The following TSNARE1 variants were observed in gnomAD, a reference collection of about 807,000 sequenced individuals.
TSNARE1 encodes the protein t-SNARE domain-containing protein 1.
In TSNARE1, 49 loss-of-function variants were observed where a neutral mutation model predicts 62.0. The observed-to-expected ratio is 0.79, with a 90% CI of 0.63 to 1.00. The LOEUF (loss-of-function observed/expected upper bound fraction) is 1.00. TSNARE1 is among the 50% of genes least tolerant of loss of function. The pLI is 0.00. For missense variants in TSNARE1, 755 were observed against 700.1 expected (o/e 1.08, Z -0.88); for synonymous variants, 328 against 294.4 (o/e 1.11, Z -1.17).
intron 12 of TSNARE1, among the ~76,000 whole-genome samples, chr8:142,242,859 G>A (rs1380091701): frequency 6.6e-6 from 1 of 150,394 alleles, no homozygotes; most frequent in African/African-American, 2.5e-5. Flanking sequence ...CTACTCAGGA[G>A]GCTGAAGCAG....
At chr8:142,288,368 T>G (rs188881276) in intron 10 of TSNARE1, among the ~76,000 whole-genome samples, 1 of 152,322 alleles carries the variant, frequency 6.6e-6, no homozygotes, top group African/African-American at 2.4e-5. Context: ...TGGGACACGG[T>G]GTTCCCAAGA....
chr8:142,358,702 CAT>C (rs1170669562), intron 1 of TSNARE1, among the ~76,000 whole-genome samples: 3 of 151,648 alleles, frequency 2.0e-5, no homozygotes, highest in Non-Finnish European at 4.4e-5. Context: ...AATGGCAGCA[CAT>C]GTCTTCTGCC....
At chr8:142,258,537 C>T (rs1177500358) in intron 12 of TSNARE1, among the ~76,000 whole-genome samples, 3 of 146,262 alleles carry the variant, frequency 2.1e-5, no homozygotes, top group East Asian at 4.0e-4. Flanking sequence ...GCTGGAGTGC[C>T]GTGGCGTGAT....
intron 11 of TSNARE1, among the ~76,000 whole-genome samples, chr8:142,282,347 G>A (rs975410815): frequency 8.5e-5 from 13 of 152,376 alleles, no homozygotes; most frequent in African/African-American, 2.9e-4. Flanking sequence ...GGATGAAGGC[G>A]TGGAGGCTAG....
At chr8:142,292,127 A>C (rs898967825) in intron 10 of TSNARE1, among the ~76,000 whole-genome samples, 1 of 151,994 alleles carries the variant, frequency 6.6e-6, no homozygotes, top group South Asian at 2.1e-4. Context: ...CCAAGCGTGG[A>C]GCTCCAGCCG....
At chr8:142,321,902 A>G (rs965408877) in intron 6 of TSNARE1, among the ~76,000 whole-genome samples, 7 of 152,334 alleles carry the variant, frequency 4.6e-5, no homozygotes, top group Admixed American at 4.6e-4. Context: ...CACACATTGT[A>G]TGAGGCTCAC....
chr8:142,402,469 G>A (rs1476126603), intron 1 of TSNARE1, among the ~76,000 whole-genome samples: 1 of 152,262 alleles, frequency 6.6e-6, no homozygotes, highest in Non-Finnish European at 1.5e-5. Context: ...GGAGGAGTGC[G>A]CCATGAGGCA....
At chr8:142,227,954 C>T (rs1816918934) in intron 13 of TSNARE1, among the ~76,000 whole-genome samples, 1 of 152,202 alleles carries the variant, frequency 6.6e-6, no homozygotes, top group Admixed American at 6.5e-5. Context: ...AGTGAGCAGC[C>T]GAGTACTGCA....
intron 11 of TSNARE1, chr8:142,277,097 T>C: frequency 1.0e-6 from 1 of 985,366 alleles, no homozygotes; most frequent in Non-Finnish European, 1.2e-6. Context: ...CCATCAGCCC[T>C]GGGCCCAGTG....
intron 13 of TSNARE1, among the ~76,000 whole-genome samples, chr8:142,220,821 G>A (rs537115883): frequency 5.9e-5 from 9 of 152,290 alleles, no homozygotes; most frequent in Admixed American, 3.9e-4. Flanking sequence ...CCTGGCACCC[G>A]CTAGCTGTGC....
intron 11 of TSNARE1, chr8:142,277,111 T>C (rs886236577): frequency 3.1e-5 from 31 of 985,184 alleles, no homozygotes; most frequent in Admixed American, 1.8e-4. Context: ...CCCAGTGGCT[T>C]TGTCAGGTCT....
At chr8:142,222,933 C>T (rs1183045238) in intron 13 of TSNARE1, among the ~76,000 whole-genome samples, 1 of 151,414 alleles carries the variant, frequency 6.6e-6, no homozygotes, top group Non-Finnish European at 1.5e-5. Context: ...TTCACTCATC[C>T]ACTCATTCAC....
intron 12 of TSNARE1, chr8:142,271,167 A>C (rs7014279): frequency 0.42 from 419,274 of 988,584 alleles, 91,863 homozygotes; most frequent in African/African-American, 0.71. Flanking sequence ...CTGTCCTGGG[A>C]GCCTCCAGCA....
At chr8:142,360,336 G>A (rs1488760652) in intron 1 of TSNARE1, among the ~76,000 whole-genome samples, 1 of 152,196 alleles carries the variant, frequency 6.6e-6, no homozygotes, top group Non-Finnish European at 1.5e-5. Flanking sequence ...GGCAGAGCGG[G>A]CACTGGCTGA....
rs549066815 is a variant in TSNARE1 at position 142,314,198 on chromosome 8, C to T, written c.1131+186G>A. On this transcript the variant is annotated intron_variant, in intron 9 of 13. Coordinates refer to ENST00000524325, the MANE Select transcript of TSNARE1 (RefSeq NM_145003.5). ...CGCAGTCATTCTTTGGGAGCTGAGC[C>T]CTTGTCAGGCACTGTGCCAGGGCCC... Among the ~76,000 whole-genome samples, 106 of 152,346 alleles carry T rather than the reference C, an allele frequency of 7.0e-4. 1 individual carries two copies. The highest frequency in any genetic ancestry group is 2.4e-3 in the African/African-American group (101 of 41,588).
At chr8:142,305,254 C>T (rs1281682310) in intron 9 of TSNARE1, among the ~76,000 whole-genome samples, 2 of 152,092 alleles carry the variant, frequency 1.3e-5, no homozygotes, top group African/African-American at 4.8e-5. Flanking sequence ...GTGCCAGGCA[C>T]CCATGGAGAC....
chr8:142,360,137 G>A (rs1311862633), intron 1 of TSNARE1, among the ~76,000 whole-genome samples: 1 of 152,236 alleles, frequency 6.6e-6, no homozygotes, highest in African/African-American at 2.4e-5. Flanking sequence ...AGGACGCGGT[G>A]GCGCCCCCAA....
At chr8:142,308,541 C>T (rs1827063887) in intron 9 of TSNARE1, among the ~76,000 whole-genome samples, 1 of 152,184 alleles carries the variant, frequency 6.6e-6, no homozygotes, top group Non-Finnish European at 1.5e-5. Flanking sequence ...CCAGTCTCCA[C>T]CCTGTCCCAT....
At chr8:142,306,520 C>CA (rs1563875964) in intron 9 of TSNARE1, among the ~76,000 whole-genome samples, 3 of 152,182 alleles carry the variant, frequency 2.0e-5, no homozygotes, top group African/African-American at 7.2e-5. Context: ...CTGAAAACTA[C>CA]GGACCACAGC....
Sources: allele counts gnomAD v4.1 joint callset (sites outside exome capture counted in the v4.1 genomes callset), GRCh38; gene constraint gnomAD v4.1.1; transcripts MANE v1.5; gene names NCBI Gene and HGNC (gene_info 2026-07-23, HGNC 2026-07-21).